Variants in BCOR observed in about 807,000 individuals in gnomAD.
The protein encoded by BCOR is BCL-6 corepressor.
A neutral mutation model predicts 86.7 loss-of-function variants in BCOR; 10 were observed. The ratio of observed to expected loss-of-function variants is 0.12; its 90% CI spans 0.07 to 0.20. The LOEUF is 0.20. Among genes scored for constraint, BCOR ranks in the 10% least tolerant of loss-of-function variants. BCOR has a pLI of 1.00. For missense variants in BCOR, 1,259 were observed against 1,452.1 expected (o/e 0.87, Z 2.16); for synonymous variants, 611 against 609.0 (o/e 1.00, Z -0.05).
chrX:40,127,838 G>A (rs187191763), intron 1 of BCOR, among the ~76,000 whole-genome samples: 81 of 106,262 alleles, frequency 7.6e-4, no homozygotes, highest in Admixed American at 4.2e-4. Flanking sequence ...ATGCCACTGC[G>A]CTCCAGAGCA....
chrX:40,124,681 C>T (rs1252008846), intron 1 of BCOR, among the ~76,000 whole-genome samples: 1 of 110,770 alleles, frequency 9.0e-6, no homozygotes, highest in Non-Finnish European at 1.9e-5. Context: ...TGGCCCACTG[C>T]AGACTTGACC....
At chrX:40,100,905 C>T (rs1221403377), upstream of BCOR, among the ~76,000 whole-genome samples, 1 of 109,246 alleles carries the variant, frequency 9.2e-6, no homozygotes, top group Non-Finnish European at 1.9e-5. Flanking sequence ...CTTGCCTCCA[C>T]GGTAGGCTGG....
chrX:40,096,492 T>G (rs1260967379), intron 1 of BCOR, among the ~76,000 whole-genome samples: 1 of 108,965 alleles, frequency 9.2e-6, no homozygotes, highest in South Asian at 3.7e-4. Context: ...CGGAACCCCT[T>G]GCTCTGCTCG....
intron 1 of BCOR, among the ~76,000 whole-genome samples, chrX:40,083,005 G>A (rs1936173171): frequency 9.1e-6 from 1 of 109,397 alleles, no homozygotes; most frequent in Admixed American, 9.6e-5. Flanking sequence ...CCACCCGCCA[G>A]CCCTTCCTGG....
At chrX:40,174,714 C>A (rs181173208) in intron 1 of BCOR, among the ~76,000 whole-genome samples, 123 of 112,578 alleles carry the variant, frequency 1.1e-3, no homozygotes, top group African/African-American at 3.6e-3. Context: ...GAAGGTGGAA[C>A]GCAAAGGGGA....
intron 1 of BCOR, among the ~76,000 whole-genome samples, chrX:40,127,511 T>G (rs1182482526): frequency 8.9e-6 from 1 of 112,010 alleles, no homozygotes; most frequent in African/African-American, 3.2e-5. Flanking sequence ...TTTTGTTACA[T>G]AGCAATAGCA....
intron 1 of BCOR, among the ~76,000 whole-genome samples, chrX:40,149,779 G>GAA (rs1938132872): frequency 8.9e-6 from 1 of 112,104 alleles, no homozygotes; most frequent in Non-Finnish European, 1.9e-5. Flanking sequence ...GCCCCATGGG[G>GAA]AGCTCTTGGC....
intron 1 of BCOR, among the ~76,000 whole-genome samples, chrX:40,166,607 G>A (rs1185715157): frequency 8.9e-6 from 1 of 112,312 alleles, no homozygotes; most frequent in Non-Finnish European, 1.9e-5. Flanking sequence ...GACCCTGACT[G>A]CAGCCCCAGG....
intron 1 of BCOR, among the ~76,000 whole-genome samples, chrX:40,124,696 G>T (rs1270807666): frequency 1.8e-5 from 2 of 110,386 alleles, no homozygotes; most frequent in African/African-American, 6.6e-5. Flanking sequence ...TTGACCTCCC[G>T]GGCTCAACCA....
At position 40,139,497 on chromosome X, in the gene BCOR, ATTTTTTTTT is replaced by A. The variant is rs750808544; in HGVS notation, c.-41+37501_-41+37509del. 7.0e-4 allele frequency among the ~76,000 whole-genome samples: 4 copies of A among 5,711 alleles called. 1 individual carries two copies. The highest frequency in any genetic ancestry group is 2.3e-3 in the African/African-American group (4 of 1,707). 5.0% of individuals were successfully genotyped at this position (5,711 alleles called of 115,157 possible). ...TATATATATATATATATATATATAT[ATTTTTTTTT>A]TTTTTTAAGCATCAGCCTTAATAGG... is the stretch of plus-strand genomic sequence containing the variant. On this transcript the variant is annotated intron_variant, in intron 1 of 14. Coordinates refer to the BCOR transcript ENST00000342274.
chrX:40,149,391 C>T (rs181955962), intron 1 of BCOR, among the ~76,000 whole-genome samples: 203 of 111,384 alleles, frequency 1.8e-3, no homozygotes, highest in African/African-American at 6.3e-3. Context: ...CGGCACAGTG[C>T]GATCCTGCTT....
Position 40,064,379 on chromosome X carries a change from T to C in BCOR, c.3459A>G (p.Pro1153=). ...SHTETTAEEV[P]EDPLLKAKRR... ...GTTTGGCTTTCAGCAGAGGGTCCTC[T>C]GGCACCTCCTCCGCAGTGGTCTCAG... Residue 1153 remains proline (P), a synonymous_variant, in exon 7 of 15, where the codon CCA becomes CCG. Transcript: ENST00000378444. 4.1e-6 allele frequency: 5 copies of C among 1,212,397 alleles called. No homozygotes were observed. The highest frequency in any genetic ancestry group is 5.6e-6 in the Non-Finnish European group (5 of 895,585).
chrX:40,106,566 GCTCCCGC>G (rs760145873), intron 1 of BCOR, among the ~76,000 whole-genome samples: 2 of 102,458 alleles, frequency 2.0e-5, no homozygotes, highest in Non-Finnish European at 4.0e-5. Context: ...CCCTCCCCGC[GCTCCCGC>G]CTCCCGCCTC....
chrX:40,115,764 G>A (rs771385696), intron 1 of BCOR, among the ~76,000 whole-genome samples: 128 of 98,338 alleles, frequency 1.3e-3, no homozygotes, highest in South Asian at 3.4e-3. Flanking sequence ...GTGACAGAGT[G>A]TGACTGTGTC....
chrX:40,154,656 C>T (rs1351797259), intron 1 of BCOR, among the ~76,000 whole-genome samples: 1 of 109,874 alleles, frequency 9.1e-6, no homozygotes, highest in Admixed American at 9.6e-5. Context: ...GCACCGCGAG[C>T]CCCTGGGAGC....
chrX:40,149,794 G>GC (rs779306242), intron 1 of BCOR, among the ~76,000 whole-genome samples: 3 of 112,152 alleles, frequency 2.7e-5, no homozygotes, highest in South Asian at 7.4e-4. Flanking sequence ...CTTGGCATAA[G>GC]CTTTCAGAGA....
At chrX:40,162,119 G>A (rs904633165) in intron 1 of BCOR, among the ~76,000 whole-genome samples, 2 of 111,898 alleles carry the variant, frequency 1.8e-5, no homozygotes, top group African/African-American at 6.5e-5. Context: ...CACTGGCTTG[G>A]TCCAGTCTTA....
intron 3 of BCOR, 142 bp from the exon 4 acceptor site, chrX:40,075,322 GGT>G: frequency 2.4e-5 from 11 of 454,262 alleles, no homozygotes; most frequent in East Asian, 4.8e-5. Flanking sequence ...GCGGGGCGGG[GGT>G]GGGGGGTCTG....
rs750421533 is a variant in BCOR at position 40,062,410 on chromosome X, C to G, written c.4174-17G>C. 3.3e-6 allele frequency: 4 copies of G among 1,197,898 alleles called. No individual in the cohort carries two copies. The highest frequency in any genetic ancestry group is 2.4e-4 in the Middle Eastern group (1 of 4,248). On this transcript the variant is annotated splice_polypyrimidine_tract_variant and intron_variant, in intron 9 of 14. Coordinates refer to ENST00000378444, the MANE Select transcript of BCOR (RefSeq NM_001123385.2). ...GACAGTCACCTATCATAAAACCAAG[C>G]AGCGCACACGGTTAAGCCCGTGTCC... is the stretch of plus-strand genomic sequence containing the variant.
Sources: allele counts gnomAD v4.1 joint callset (sites outside exome capture counted in the v4.1 genomes callset), GRCh38; gene constraint gnomAD v4.1.1; transcripts MANE v1.5; gene names NCBI Gene and HGNC (gene_info 2026-07-23, HGNC 2026-07-21).